The following GALNS variants were observed in gnomAD, a reference collection of about 807,000 sequenced individuals.
The protein encoded by GALNS is galactosamine (N-acetyl)-6-sulfatase.
A neutral mutation model predicts 65.9 loss-of-function variants in GALNS; 65 were observed. The ratio of observed to expected loss-of-function variants is 0.99; its 90% CI spans 0.81 to 1.21. GALNS has a LOEUF of 1.21. GALNS is among the 50% of genes most tolerant of loss of function. The probability of loss-of-function intolerance (pLI) is 0.00; values close to 1 mark genes in which losing one functional copy is unlikely to be tolerated. For missense variants in GALNS, 776 were observed against 700.7 expected, an observed-to-expected ratio of 1.11 and a Z score of -1.21; for synonymous variants, 346 against 288.9, an observed-to-expected ratio of 1.20 and a Z score of -2.00.
At chr16:88,830,490 C>T (rs563013384) in intron 9 of GALNS, among the ~76,000 whole-genome samples, 5,970 of 152,302 alleles carry the variant, frequency 0.039, 141 homozygotes, top group South Asian at 0.081. Context: ...TGGGAGCCCC[C>T]CCCATCCTCG....
intron 13 of GALNS, 134 bp from the exon 14 acceptor site, chr16:88,814,659 T>A (rs1909447142): frequency 1.4e-6 from 2 of 1,432,932 alleles, no homozygotes; most frequent in African/African-American, 2.8e-5. Context: ...AGTGGCGCGA[T>A]CTTGGCTCAC....
At position 88,856,168 on chromosome 16, in the gene GALNS, T is replaced by C. The variant is rs540474059; in HGVS notation, c.120+590A>G. 8.1e-5 allele frequency: 57 copies of C among 702,882 alleles called. No individual in the cohort carries two copies. In the East Asian group the frequency reaches 1.3e-3, roughly 16 times the overall value. The allele number at this position is 702,882 out of a possible 1,614,324, so 43.5% of individuals were successfully genotyped here. The stretch of plus-strand genomic sequence containing the variant: ...CCCGCACTTGCCCACCAGGAGACAT[T>C]CCAGCCTTTCAGTTCTTCAGACCTT... On this transcript the variant is annotated intron_variant, in intron 1 of 13. Transcript: ENST00000268695.
intron 1 of GALNS, among the ~76,000 whole-genome samples, chr16:88,854,159 C>T (rs1203206606): frequency 1.3e-5 from 2 of 152,200 alleles, no homozygotes; most frequent in Admixed American, 6.5e-5. Context: ...GCACACTCGT[C>T]CTCAAGTGGT....
At chr16:88,830,684 T>A (rs1911409425) in intron 9 of GALNS, among the ~76,000 whole-genome samples, 2 of 152,174 alleles carry the variant, frequency 1.3e-5, no homozygotes, top group African/African-American at 4.8e-5. Flanking sequence ...AGGGGCAGCT[T>A]CCTGGGCCAG....
rs981983330 is a variant in GALNS at position 88,841,186 on chromosome 16, A to G, written c.320-92T>C. On this transcript the variant is annotated intron_variant, in intron 3 of 13. Coordinates refer to ENST00000268695, the MANE Select transcript of GALNS (RefSeq NM_000512.5). ...AGGACACTGGGGGCTGCGTCCACAC[A>G]TCCTAACAGGACACTGGCCCCTCGG... is the stretch of plus-strand genomic sequence containing the variant. The G allele has an allele frequency of 9.4e-6, 9 of 962,490 alleles. No homozygotes were observed. In the African/African-American group the frequency reaches 1.1e-4, roughly 12 times the overall value. The allele number at this position is 962,490 out of a possible 1,614,324, so 59.6% of individuals were successfully genotyped here. A position where few individuals can be genotyped will look rare whatever the true frequency, so the allele number is the denominator to read the frequency against.
At position 88,835,427 on chromosome 16, in the gene GALNS, T is replaced by G. The variant is rs981592053; in HGVS notation, c.759-75A>C. On this transcript the variant is annotated intron_variant, in intron 7 of 13. Coordinates refer to ENST00000268695, the MANE Select transcript of GALNS (RefSeq NM_000512.5). ...ATGGATCAGGCAGCCAACGGCATAC[T>G]GTGATTCACGGAGTTCATTAAATCA... The G allele has an allele frequency of 2.4e-5, 37 of 1,573,128 alleles. No individual in the cohort carries two copies. The African/African-American group carries it at 3.1e-4, about 13-fold the overall frequency.
intron 9 of GALNS, among the ~76,000 whole-genome samples, chr16:88,830,267 G>T (rs929414692): frequency 6.6e-6 from 1 of 150,376 alleles, no homozygotes; most frequent in Non-Finnish European, 1.5e-5. Context: ...CGTGGAACAG[G>T]AAGGCCAGGG....
intron 1 of GALNS, chr16:88,855,268 C>T (rs1480301827): frequency 1.0e-5 from 7 of 699,968 alleles, no homozygotes; most frequent in Non-Finnish European, 1.8e-5. Context: ...AGAAACTTAA[C>T]AGGGAGGCTT....
intron 13 of GALNS, chr16:88,816,085 C>A (rs373049867): frequency 1.0e-6 from 1 of 985,328 alleles, no homozygotes; most frequent in African/African-American, 1.7e-5. Flanking sequence ...CATCTGGGCC[C>A]CTCAGACCCC....
intron 1 of GALNS, among the ~76,000 whole-genome samples, chr16:88,850,602 G>A (rs545967727): frequency 1.6e-4 from 25 of 152,272 alleles, no homozygotes; most frequent in East Asian, 3.9e-4. Flanking sequence ...AGGTCTTGGC[G>A]ACAGTCCTAC....
At chr16:88,833,625 G>A (rs1911754796) in intron 8 of GALNS, among the ~76,000 whole-genome samples, 1 of 151,832 alleles carries the variant, frequency 6.6e-6, no homozygotes, top group East Asian at 1.9e-4. Context: ...CTAATTTTTT[G>A]TTTTTCAGTA....
intron 8 of GALNS, among the ~76,000 whole-genome samples, chr16:88,834,906 CA>C (rs1159880210): frequency 6.6e-6 from 1 of 152,194 alleles, no homozygotes; most frequent in Non-Finnish European, 1.5e-5. Flanking sequence ...CTGCTGTTTC[CA>C]TGCGGCCTCC....
chr16:88,849,589 T>C (rs1205483944), intron 1 of GALNS, among the ~76,000 whole-genome samples: 1 of 152,096 alleles, frequency 6.6e-6, no homozygotes, highest in Non-Finnish European at 1.5e-5. Flanking sequence ...TCAGGCCAAC[T>C]TTTTTGTATT....
chr16:88,844,036 G>A (rs1287500396), intron 1 of GALNS: 1 of 152,224 alleles, frequency 6.6e-6, no homozygotes, highest in Non-Finnish European at 1.5e-5. Context: ...TTCTTCTTGG[G>A]ATGGACTGTT....
At chr16:88,837,859 G>GT (rs1432943821) in intron 4 of GALNS, 94 bp from the exon 5 acceptor site, 5 of 1,357,790 alleles carry the variant, frequency 3.7e-6, no homozygotes, top group South Asian at 2.4e-5. Flanking sequence ...AAAATTCTTG[G>GT]TAAGACGAGC....
At chr16:88,842,081 G>GC in intron 2 of GALNS, 110 bp from the exon 3 acceptor site, 1 of 981,730 alleles carries the variant, frequency 1.0e-6, no homozygotes, top group Non-Finnish European at 1.6e-6. Flanking sequence ...CGAGGCACGC[G>GC]CAGGTTTACA....
At chr16:88,835,117 T>C (rs1911974082) in intron 8 of GALNS, 96 bp downstream of exon 8, 2 of 1,484,042 alleles carry the variant, frequency 1.3e-6, no homozygotes, top group Admixed American at 2.0e-5. Flanking sequence ...CTTCATGCTC[T>C]GCCCACCACA....
intron 8 of GALNS, among the ~76,000 whole-genome samples, chr16:88,834,016 TC>T (rs1263292000): frequency 2.7e-5 from 4 of 150,758 alleles, no homozygotes; most frequent in Non-Finnish European, 5.9e-5. Flanking sequence ...AACACCACCC[TC>T]CCCCCACCCA....
intron 8 of GALNS, among the ~76,000 whole-genome samples, chr16:88,834,360 C>G (rs1911848645): frequency 1.4e-5 from 2 of 144,998 alleles, no homozygotes; most frequent in Admixed American, 1.4e-4. Flanking sequence ...TGCAGGGCCC[C>G]CCCCCGCGTG....
Sources: gnomAD v4.1 joint callset for allele counts (sites outside exome capture counted in the v4.1 genomes callset) on GRCh38, gnomAD v4.1.1 for gene constraint, MANE v1.5 for transcripts, NCBI Gene and HGNC (gene_info 2026-07-23, HGNC 2026-07-21) for gene names.